The following SAMMSON variants were observed in gnomAD, a reference collection of about 807,000 sequenced individuals.
The protein encoded by SAMMSON is long intergenic non-protein coding RNA 1212.
intron 7 of SAMMSON, among the ~76,000 whole-genome samples, chr3:70,320,307 G>C (rs1472336977): frequency 2.0e-5 from 3 of 152,076 alleles, no homozygotes; most frequent in African/African-American, 7.2e-5. Flanking sequence ...AGCAATGACA[G>C]TGGGTTACCA....
intron 4 of SAMMSON, among the ~76,000 whole-genome samples, chr3:70,085,747 GCTT>G (rs1363171047): frequency 6.6e-6 from 1 of 152,142 alleles, no homozygotes; most frequent in Non-Finnish European, 1.5e-5. Flanking sequence ...TATAGTGTCA[GCTT>G]CTTACAAACT....
intron 4 of SAMMSON, among the ~76,000 whole-genome samples, chr3:70,170,905 A>T (rs1412377340): frequency 6.6e-6 from 1 of 151,856 alleles, no homozygotes; most frequent in Admixed American, 6.6e-5. Flanking sequence ...ATTCAAATAC[A>T]CTGTTCTTAA....
chr3:70,036,264 A>G (rs1210600012), intron 3 of SAMMSON, among the ~76,000 whole-genome samples: 1 of 152,150 alleles, frequency 6.6e-6, no homozygotes, highest in Non-Finnish European at 1.5e-5. Context: ...AGATTCTAGT[A>G]TGGAAACACC....
At chr3:70,225,056 A>G (rs1173650204) in intron 4 of SAMMSON, among the ~76,000 whole-genome samples, 1 of 152,166 alleles carries the variant, frequency 6.6e-6, no homozygotes, top group Non-Finnish European at 1.5e-5. Context: ...ATATTTCTCT[A>G]ATATATCTTG....
intron 3 of SAMMSON, among the ~76,000 whole-genome samples, chr3:70,042,580 AT>A (rs1184655281): frequency 6.6e-6 from 1 of 152,026 alleles, no homozygotes; most frequent in East Asian, 1.9e-4. Context: ...ATCTTGCCTT[AT>A]TTTTCTCTTT....
chr3:70,091,362 A>C (rs149207456), intron 4 of SAMMSON, among the ~76,000 whole-genome samples: 34 of 152,292 alleles, frequency 2.2e-4, no homozygotes, highest in African/African-American at 7.2e-4. Flanking sequence ...ATTTCCACTG[A>C]AACAAGCTTA....
At chr3:70,318,267 G>C (rs1702509072) in intron 7 of SAMMSON, among the ~76,000 whole-genome samples, 1 of 151,858 alleles carries the variant, frequency 6.6e-6, no homozygotes. Flanking sequence ...TAGACCACTT[G>C]ATATTTTTAC....
chr3:70,383,120 G>C (rs1042229226), intron 9 of SAMMSON, among the ~76,000 whole-genome samples: 1 of 151,980 alleles, frequency 6.6e-6, no homozygotes, highest in Non-Finnish European at 1.5e-5. Flanking sequence ...GAATCCCAAA[G>C]TATAAATCTC....
Position 70,402,436 on chromosome 3 carries a change from G to A in SAMMSON, n.233+44112G>A, listed in dbSNP as rs556744966. ...TAAATTTTCACAACATCTTAATGTG[G>A]ATGCTACATTGTTTCATGAAGTTCA... is the stretch of plus-strand genomic sequence containing the variant. On this transcript the variant is annotated intron_variant and non_coding_transcript_variant, in intron 2 of 3. Coordinates refer to the SAMMSON transcript ENST00000641053. 3.9e-5 allele frequency among the ~76,000 whole-genome samples: 6 copies of A among 152,226 alleles called. No individual in the cohort carries two copies. The East Asian group carries it at 1.2e-3, about 29-fold the overall frequency.
chr3:70,363,241 T>C (rs1468764946), intron 9 of SAMMSON, among the ~76,000 whole-genome samples: 1 of 151,802 alleles, frequency 6.6e-6, no homozygotes, highest in Non-Finnish European at 1.5e-5. Context: ...TGGGCAAAAA[T>C]TGAAAGCCTT....
At position 70,125,725 on chromosome 3, in the gene SAMMSON, T is replaced by C. The variant is rs2106670351; in HGVS notation, n.507+54160T>C. 7.4e-6 allele frequency: 5 copies of C among 680,168 alleles called. No homozygotes were observed. In the East Asian group the frequency reaches 1.3e-4, roughly 18 times the overall value. 42.1% of individuals were successfully genotyped at this position (680,168 alleles called of 1,614,324 possible). ...AGGTAACAGCACTAGATGTAAACTG[T>C]TTTGTGAAGGACACGAAAGTATGTT... On this transcript the variant is annotated intron_variant and non_coding_transcript_variant, in intron 4 of 9. Transcript: ENST00000642114.
intron 2 of SAMMSON, among the ~76,000 whole-genome samples, chr3:70,428,488 C>T (rs749795252): frequency 8.5e-5 from 13 of 152,086 alleles, no homozygotes; most frequent in Non-Finnish European, 1.9e-4. Flanking sequence ...GGGAAAAGTG[C>T]TTTGGCAAAT....
chr3:70,012,180 T>C (rs1234649535), intron 1 of SAMMSON, among the ~76,000 whole-genome samples: 1 of 152,112 alleles, frequency 6.6e-6, no homozygotes, highest in African/African-American at 2.4e-5. Context: ...TGTTGGTCCC[T>C]GGGGAAGGTA....
chr3:70,183,341 G>T (rs148733964), intron 4 of SAMMSON: 56 of 152,266 alleles, frequency 3.7e-4, no homozygotes, highest in African/African-American at 1.2e-3. Context: ...CCACTTCTCT[G>T]TTCTCAGTGG....
intron 6 of SAMMSON, among the ~76,000 whole-genome samples, chr3:70,255,234 T>G (rs541795191): frequency 4.6e-5 from 7 of 152,288 alleles, no homozygotes; most frequent in African/African-American, 1.7e-4. Context: ...ATAAGATGAA[T>G]AGTAGCTTAG....
chr3:70,288,361 G>T (rs1702190349), intron 6 of SAMMSON, among the ~76,000 whole-genome samples: 1 of 133,170 alleles, frequency 7.5e-6, no homozygotes, highest in Non-Finnish European at 1.6e-5. Flanking sequence ...CCATGTAGTT[G>T]AGCGGTTTTG....
chr3:70,134,224 C>T (rs1250478326), intron 4 of SAMMSON, among the ~76,000 whole-genome samples: 1 of 150,202 alleles, frequency 6.7e-6, no homozygotes, highest in Non-Finnish European at 1.5e-5. Flanking sequence ...TGTGCCACTG[C>T]ACTCCAGTCT....
At chr3:70,388,789 C>A (rs945260333) in intron 9 of SAMMSON, among the ~76,000 whole-genome samples, 1 of 152,108 alleles carries the variant, frequency 6.6e-6, no homozygotes, top group Non-Finnish European at 1.5e-5. Context: ...GTGCTAATAT[C>A]TTTGATTTTT....
chr3:70,430,925 A>T (rs1559588225), intron 2 of SAMMSON, among the ~76,000 whole-genome samples: 1 of 152,150 alleles, frequency 6.6e-6, no homozygotes, highest in Non-Finnish European at 1.5e-5. Context: ...ATTTAATTCA[A>T]TACTGGGCTC....
Sources: gnomAD v4.1 joint callset for allele counts (sites outside exome capture counted in the v4.1 genomes callset) on GRCh38, gnomAD v4.1.1 for gene constraint, MANE v1.5 for transcripts, NCBI Gene and HGNC (gene_info 2026-07-23, HGNC 2026-07-21) for gene names.